Variants in CASP6 observed in about 807,000 individuals in gnomAD.
The protein encoded by CASP6 is caspase 6.
Under a neutral mutation model 31.8 loss-of-function variants are expected in CASP6, and 20 were observed. The observed-to-expected ratio is 0.63, with a 90% CI of 0.44 to 0.91. CASP6 has a LOEUF of 0.91. Ranked by LOEUF, CASP6 falls within the 40% of genes least tolerant of loss-of-function variation. CASP6 has a pLI of 0.00. For synonymous variants in CASP6, 130 were observed against 127.8 expected (o/e 1.02, Z -0.12); for missense variants, 328 against 361.1 (o/e 0.91, Z 0.74).
chr4:109,679,787 TTTGTTGTTGTTG>T, the CASP6 span, among the ~76,000 whole-genome samples: 3 of 151,674 alleles, frequency 2.0e-5, no homozygotes, highest in Non-Finnish European at 2.9e-5. Flanking sequence ...GAGGTATAAT[TTTGTTGTTGTTG>T]TTGTTGTTGT....
downstream of CASP6, chr4:109,684,549 G>C (rs765707324): frequency 1.3e-5 from 21 of 1,611,140 alleles, no homozygotes; most frequent in Non-Finnish European, 1.8e-5. Flanking sequence ...TGGCTCACGT[G>C]GTGGGTGTAC....
chr4:109,680,111 A>C, the CASP6 span, among the ~76,000 whole-genome samples: 1 of 152,102 alleles, frequency 6.6e-6, no homozygotes, highest in Non-Finnish European at 1.5e-5. Flanking sequence ...CTGAGGGTAT[A>C]AATTTTTTAT....
the CASP6 span, chr4:109,674,274 A>T: frequency 7.8e-6 from 5 of 642,148 alleles, no homozygotes; most frequent in Non-Finnish European, 1.4e-5. Flanking sequence ...TGCAGGCTTG[A>T]TTTGCCTGGT....
intron 5 of CASP6, chr4:109,692,392 T>G (rs1431465442): frequency 6.6e-6 from 1 of 151,822 alleles, no homozygotes; most frequent in African/African-American, 2.4e-5. Context: ...AACCACCCCA[T>G]GAGGCAGGTG....
the CASP6 span, among the ~76,000 whole-genome samples, chr4:109,666,670 G>T: frequency 3.3e-5 from 5 of 152,194 alleles, no homozygotes; most frequent in Admixed American, 3.3e-4. Flanking sequence ...TTGTATGTTT[G>T]GGATAACGGT....
chr4:109,683,802 A>G (rs1729770158), downstream of CASP6, among the ~76,000 whole-genome samples: 1 of 152,244 alleles, frequency 6.6e-6, no homozygotes, highest in African/African-American at 2.4e-5. Context: ...TTCAGAATGA[A>G]TTCCTAGAAG....
the CASP6 span, among the ~76,000 whole-genome samples, chr4:109,666,257 A>T: frequency 6.6e-6 from 1 of 152,202 alleles, no homozygotes; most frequent in Admixed American, 6.5e-5. Flanking sequence ...AGTTGCTATA[A>T]ATACACATGC....
At chr4:109,688,516 A>G (rs5030602), downstream of CASP6, 6 of 152,368 alleles carry the variant, frequency 3.9e-5, no homozygotes, top group South Asian at 1.2e-3. Flanking sequence ...CATACACAAA[A>G]TGTGGTAATT....
Position 109,703,425 on chromosome 4 carries a change from C to A in CASP6, c.-30G>T, listed in dbSNP as rs760278202. 6.2e-7 allele frequency: 1 copy of A among 1,608,534 alleles called. No individual in the cohort carries two copies. Among genetic ancestry groups the A allele is most frequent in the Non-Finnish European group, 8.5e-7 (1 of 1,177,928 alleles). On this transcript the variant is annotated 5_prime_UTR_variant, in exon 1 of 7. Transcript: ENST00000265164. ...GCCAAACGCGCAGCCAGACACCTTG[C>A]CCTCCTCTTCCTGAAGCCACAGGCT... is the stretch of plus-strand genomic sequence containing the variant.
intron 5 of CASP6, among the ~76,000 whole-genome samples, chr4:109,692,918 C>T (rs556196549): frequency 2.6e-5 from 4 of 152,304 alleles, no homozygotes; most frequent in African/African-American, 9.6e-5. Context: ...ACGGTTTGAA[C>T]GTCTGTCCCC....
upstream of CASP6, among the ~76,000 whole-genome samples, chr4:109,707,559 T>C (rs1335150198): frequency 6.6e-6 from 1 of 152,076 alleles, no homozygotes; most frequent in African/African-American, 2.4e-5. Flanking sequence ...GCTAATTTTG[T>C]ATTTTTAGTA....
upstream of CASP6, among the ~76,000 whole-genome samples, chr4:109,705,099 T>C (rs1730558187): frequency 6.6e-6 from 1 of 152,234 alleles, no homozygotes; most frequent in African/African-American, 2.4e-5. Context: ...AATGCCTGTC[T>C]TCAAAGCTTC....
chr4:109,682,909 A>C, the CASP6 span: 1 of 561,832 alleles, frequency 1.8e-6, no homozygotes, highest in Admixed American at 3.3e-5. Context: ...TTTTCAGATG[A>C]GGAAACTGAG....
downstream of CASP6, chr4:109,684,364 A>G (rs1729787782): frequency 8.3e-7 from 1 of 1,201,178 alleles, no homozygotes; most frequent in Non-Finnish European, 1.2e-6. Flanking sequence ...GCCCGGCAAG[A>G]GTTCCTTTTC....
chr4:109,682,743 G>A, the CASP6 span: 14 of 1,607,790 alleles, frequency 8.7e-6, no homozygotes, highest in Non-Finnish European at 1.2e-5. Flanking sequence ...CCTTGAACAG[G>A]TTAGGAAGCA....
At chr4:109,703,276 C>G (rs1468405247) in intron 1 of CASP6, 80 bp downstream of exon 1, 6 of 1,501,502 alleles carry the variant, frequency 4.0e-6, no homozygotes, top group Non-Finnish European at 4.5e-6. Context: ...TCCGCGCGCC[C>G]GGTCCACTAA....
At chr4:109,701,441 T>C (rs1489451316) in intron 1 of CASP6, among the ~76,000 whole-genome samples, 1 of 151,844 alleles carries the variant, frequency 6.6e-6, no homozygotes, top group East Asian at 1.9e-4. Flanking sequence ...TTCACTTTTT[T>C]TTTTTGAGAC....
At position 109,703,050 on chromosome 4, in the gene CASP6, C is replaced by A. The variant is rs1340036769; in HGVS notation, c.40+306G>T. On this transcript the variant is annotated intron_variant, in intron 1 of 6. Coordinates refer to ENST00000265164, the MANE Select transcript of CASP6 (RefSeq NM_001226.4). ...TAAGGTTTAAACAGCCGGGGCGCCC[C>A]GAAAGCGCTCATCGCCCCGGAGGAC... 2.6e-5 allele frequency among the ~76,000 whole-genome samples: 4 copies of A among 152,182 alleles called. 1 individual carries two copies. The highest frequency in any genetic ancestry group is 5.9e-5 in the Non-Finnish European group (4 of 68,034).
chr4:109,696,488 T>C lies in CASP6; in HGVS notation c.231-2A>G, dbSNP rs750484000. 1.0e-5 allele frequency: 16 copies of C among 1,598,938 alleles called. No individual in the cohort carries two copies. In the East Asian group the frequency reaches 3.6e-4, roughly 36 times the overall value. ...ACTTCAAATCCTAGATCTGAAAACC[T>C]AGTGGTATATTAAATGAAATGTTAG... On this transcript the variant is annotated splice_acceptor_variant, in intron 3 of 6. Transcript: ENST00000265164. LOFTEE classifies it high-confidence loss of function.
Sources: gnomAD v4.1 joint callset for allele counts (sites outside exome capture counted in the v4.1 genomes callset) on GRCh38, gnomAD v4.1.1 for gene constraint, MANE v1.5 for transcripts, NCBI Gene and HGNC (gene_info 2026-07-23, HGNC 2026-07-21) for gene names.